The following LYZL4 variants were observed in gnomAD, a reference collection of about 807,000 sequenced individuals.
LYZL4 encodes the protein lysozyme like 4.
LYZL4 carries 13 observed loss-of-function variants against 17.6 expected under a neutral mutation model. That is an observed-to-expected ratio of 0.74 (90% confidence interval 0.48 to 1.18). The LOEUF is 1.18. Ranked by LOEUF, LYZL4 falls within the 50% of genes most tolerant of loss-of-function variation. The pLI, the probability that LYZL4 is intolerant of heterozygous loss-of-function variation, is 0.00. For synonymous variants in LYZL4, 64 were observed against 67.7 expected (o/e 0.95, Z 0.27); for missense variants, 174 against 188.2 (o/e 0.92, Z 0.44).
chr3:42,369,266 CT>C, the LYZL4 span, among the ~76,000 whole-genome samples: 2 of 152,190 alleles, frequency 1.3e-5, no homozygotes, highest in African/African-American at 2.4e-5. Flanking sequence ...ATATATCCTA[CT>C]GGTCTTGGCG....
the LYZL4 span, among the ~76,000 whole-genome samples, chr3:42,362,816 C>A: frequency 1.3e-5 from 2 of 152,140 alleles, no homozygotes; most frequent in Non-Finnish European, 2.9e-5. Context: ...AAGTATCACC[C>A]CATAGATTAC....
the LYZL4 span, among the ~76,000 whole-genome samples, chr3:42,386,329 C>T: frequency 0.18 from 26,554 of 149,952 alleles, 2,929 homozygotes; most frequent in African/African-American, 0.3. Flanking sequence ...TCTTGAACTC[C>T]TGACCTCAAG....
the LYZL4 span, among the ~76,000 whole-genome samples, chr3:42,370,753 T>C: frequency 2.6e-5 from 4 of 152,338 alleles, no homozygotes; most frequent in East Asian, 7.7e-4. Context: ...ACTACATTCT[T>C]CTAATAAATT....
At chr3:42,368,363 T>A in the LYZL4 span, among the ~76,000 whole-genome samples, 2 of 152,214 alleles carry the variant, frequency 1.3e-5, no homozygotes, top group African/African-American at 4.8e-5. Context: ...GTCTAGGGGC[T>A]TTGTAAAGAA....
chr3:42,399,818 T>C (rs545062399), intron 4 of LYZL4, among the ~76,000 whole-genome samples: 1 of 151,590 alleles, frequency 6.6e-6, no homozygotes, highest in South Asian at 2.1e-4. Context: ...ACATAGGGGG[T>C]TTCCATTATG....
the LYZL4 span, among the ~76,000 whole-genome samples, chr3:42,371,503 C>T: frequency 6.6e-5 from 10 of 152,310 alleles, no homozygotes; most frequent in East Asian, 3.9e-4. Context: ...TGGCCAATCA[C>T]GTGGTTCTTT....
At chr3:42,394,200 C>A (rs1369280353), downstream of LYZL4, among the ~76,000 whole-genome samples, 2 of 152,328 alleles carry the variant, frequency 1.3e-5, no homozygotes, top group African/African-American at 4.8e-5. Flanking sequence ...AATTTCCCAG[C>A]CTGTGAACTG....
chr3:42,395,715 G>T (rs911881162), downstream of LYZL4, among the ~76,000 whole-genome samples: 5 of 152,066 alleles, frequency 3.3e-5, no homozygotes, highest in Admixed American at 1.3e-4. Flanking sequence ...ATAAAAAGGG[G>T]CAGCCCCAAA....
the LYZL4 span, among the ~76,000 whole-genome samples, chr3:42,386,956 T>C: frequency 6.6e-6 from 1 of 152,224 alleles, no homozygotes; most frequent in Non-Finnish European, 1.5e-5. Flanking sequence ...TGTCTTTATA[T>C]GTTTAAAATT....
the LYZL4 span, among the ~76,000 whole-genome samples, chr3:42,381,567 G>T: frequency 1.3e-5 from 2 of 152,084 alleles, no homozygotes; most frequent in East Asian, 3.9e-4. Context: ...CAGCACATCC[G>T]GAAGGAGCAA....
Position 42,404,110 on chromosome 3 carries a change from T to C in LYZL4, c.307A>G (p.Asn103Asp), listed in dbSNP as rs897886969. Reference sequence around the variant, plus strand: ...GCACATTTAATTGTCTTCTCTAAATTAGGATTCAGTAAAGCTGTGGGGAAA... The same window carrying C: ...GCACATTTAATTGTCTTCTCTAAATCAGGATTCAGTAAAGCTGTGGGGAAA... ...HMSCSALLNP[N>D]LEKTIKCAKT... The change falls in exon 4 of 5, where the codon AAT (asparagine) becomes GAT (aspartate). Residue 103 changes from asparagine to aspartate, a missense_variant. Physicochemically the swap from Asn to Asp is conservative, Grantham distance 23. Coordinates refer to ENST00000287748, the MANE Select transcript of LYZL4 (RefSeq NM_144634.4). 8 of 1,611,474 alleles carry C rather than the reference T, an allele frequency of 5.0e-6. No individual in the cohort carries two copies. The highest frequency in any genetic ancestry group is 1.7e-4 in the Middle Eastern group (1 of 6,058).
the LYZL4 span, among the ~76,000 whole-genome samples, chr3:42,367,440 GA>G: frequency 6.6e-6 from 1 of 152,324 alleles, no homozygotes; most frequent in African/African-American, 2.4e-5. Context: ...CACAGACATG[GA>G]AAATTTCAAT....
chr3:42,406,139 T>C (rs553020040), intron 3 of LYZL4, among the ~76,000 whole-genome samples: 1 of 152,218 alleles, frequency 6.6e-6, no homozygotes, highest in Non-Finnish European at 1.5e-5. Flanking sequence ...CCTTTCAAAG[T>C]GGCAGCAACT....
the LYZL4 span, among the ~76,000 whole-genome samples, chr3:42,384,606 G>A: frequency 9.2e-5 from 14 of 152,280 alleles, no homozygotes; most frequent in Admixed American, 8.5e-4. Context: ...AAGTACGTAG[G>A]AAACTAAGCA....
the LYZL4 span, among the ~76,000 whole-genome samples, chr3:42,385,331 T>C: frequency 9.2e-5 from 14 of 152,334 alleles, no homozygotes; most frequent in East Asian, 2.3e-3. Context: ...ACCTTTTCTA[T>C]GTTTAGCTAT....
Position 42,397,290 on chromosome 3 carries a change from C to A in LYZL4, c.416G>T (p.Arg139Leu). 1 of 1,570,560 alleles carries A rather than the reference C, an allele frequency of 6.4e-7. No homozygotes were observed. Among genetic ancestry groups the A allele is most frequent in the East Asian group, 2.4e-5 (1 of 42,098 alleles). The change falls in exon 5 of 5, where the codon CGG becomes CTG. Residue 139 changes from arginine to leucine, a missense_variant. Physicochemically the swap from Arg to Leu is moderately radical, Grantham distance 102. Transcript: ENST00000287748. ...CTACAGCTTGCAACCATCCAGCCAC[C>A]GTGCCAGGGTATCGGAGTACTGGCA... ...RYCQYSDTLA[R>L]WLDGCKL
the LYZL4 span, among the ~76,000 whole-genome samples, chr3:42,375,095 G>C: frequency 2.4e-4 from 36 of 152,236 alleles, no homozygotes; most frequent in African/African-American, 8.7e-4. Context: ...ACAGGTGTGA[G>C]CCACTGTACC....
At chr3:42,373,537 G>T in the LYZL4 span, among the ~76,000 whole-genome samples, 1 of 152,162 alleles carries the variant, frequency 6.6e-6, no homozygotes, top group Middle Eastern at 3.2e-3. Context: ...CATAGCATGG[G>T]CGTGGGGGAG....
chr3:42,402,752 T>C (rs1488807124), intron 4 of LYZL4, among the ~76,000 whole-genome samples: 1 of 152,238 alleles, frequency 6.6e-6, no homozygotes, highest in Non-Finnish European at 1.5e-5. Context: ...TGACTAGCAA[T>C]TTTATTCCTC....
Sources: gnomAD v4.1 joint callset for allele counts (sites outside exome capture counted in the v4.1 genomes callset) on GRCh38, gnomAD v4.1.1 for gene constraint, MANE v1.5 for transcripts, NCBI Gene and HGNC (gene_info 2026-07-23, HGNC 2026-07-21) for gene names.